GRB14: variants seen among roughly 807,000 people sequenced by gnomAD.
GRB14 encodes the protein growth factor receptor bound protein 14, also known as growth factor receptor-bound protein 14.
Under a neutral mutation model 69.1 loss-of-function variants are expected in GRB14, and 38 were observed. That is an observed-to-expected ratio of 0.55 (90% CI 0.42 to 0.72). The LOEUF (loss-of-function observed/expected upper bound fraction) is 0.72. GRB14 is among the 30% of genes least tolerant of loss of function. GRB14 has a pLI of 0.00. For missense variants in GRB14, 666 were observed against 666.1 expected (o/e 1.00, Z 0.00); for synonymous variants, 247 against 241.3 (o/e 1.02, Z -0.22).
At chr2:164,537,409 A>G (rs1311473230) in intron 3 of GRB14, among the ~76,000 whole-genome samples, 2 of 152,332 alleles carry the variant, frequency 1.3e-5, no homozygotes, top group South Asian at 2.1e-4. Context: ...CTGAGTAGAA[A>G]CTGTAGTATA....
chr2:164,521,286 G>GT, intron 6 of GRB14, among the ~76,000 whole-genome samples: 1 of 152,198 alleles, frequency 6.6e-6, no homozygotes, highest in East Asian at 1.9e-4. Context: ...AAAATTGTAT[G>GT]TTCTCACCCA....
intron 6 of GRB14, among the ~76,000 whole-genome samples, chr2:164,514,156 C>CA (rs746565847): frequency 2.5e-4 from 38 of 152,140 alleles, no homozygotes; most frequent in Non-Finnish European, 4.7e-4. Flanking sequence ...TGTAAGGAGA[C>CA]AAAATAACAC....
intron 6 of GRB14, among the ~76,000 whole-genome samples, chr2:164,511,334 G>A (rs1042472146): frequency 6.6e-6 from 1 of 152,104 alleles, no homozygotes; most frequent in Non-Finnish European, 1.5e-5. Context: ...CACAGCTCGT[G>A]GCTCCAAAAA....
intron 2 of GRB14, 63 bp from the exon 3 acceptor site, chr2:164,547,879 A>T: frequency 1.8e-6 from 2 of 1,142,130 alleles, no homozygotes; most frequent in Non-Finnish European, 1.2e-6. Context: ...AATAAATTTT[A>T]TTGTATATAT....
intron 12 of GRB14, among the ~76,000 whole-genome samples, chr2:164,496,290 A>G (rs1686891366): frequency 6.6e-6 from 1 of 152,160 alleles, no homozygotes; most frequent in African/African-American, 2.4e-5. Flanking sequence ...AACCTCCCTC[A>G]TTTGTACTGC....
chr2:164,505,537 C>A (rs1030047453), intron 8 of GRB14, among the ~76,000 whole-genome samples: 4 of 152,098 alleles, frequency 2.6e-5, no homozygotes, highest in Non-Finnish European at 5.9e-5. Flanking sequence ...ATACAGGTAT[C>A]TGTGACTCTG....
intron 3 of GRB14, among the ~76,000 whole-genome samples, 185 bp downstream of exon 3, chr2:164,547,475 G>A (rs559804440): frequency 1.3e-5 from 2 of 152,056 alleles, no homozygotes; most frequent in African/African-American, 4.8e-5. Flanking sequence ...ACATCAATGA[G>A]TTGGCTATCT....
intron 3 of GRB14, among the ~76,000 whole-genome samples, chr2:164,537,418 T>C (rs551654910): frequency 8.5e-5 from 13 of 152,178 alleles, no homozygotes; most frequent in Non-Finnish European, 1.6e-4. Flanking sequence ...AACTGTAGTA[T>C]ATGCAGGCAT....
chr2:164,617,398 C>G (rs1218014482), intron 2 of GRB14, among the ~76,000 whole-genome samples: 7 of 152,070 alleles, frequency 4.6e-5, no homozygotes, highest in African/African-American at 1.7e-4. Flanking sequence ...ACAATATCAC[C>G]TTTTCCCCAT....
At chr2:164,598,084 C>T (rs1689827217) in intron 2 of GRB14, among the ~76,000 whole-genome samples, 1 of 151,984 alleles carries the variant, frequency 6.6e-6, no homozygotes, top group Admixed American at 6.6e-5. Flanking sequence ...CATCCTGAAG[C>T]CTAAGAAGAC....
intron 2 of GRB14, among the ~76,000 whole-genome samples, chr2:164,604,542 C>T (rs938592485): frequency 1.3e-5 from 2 of 151,766 alleles, no homozygotes; most frequent in African/African-American, 4.8e-5. Context: ...AACCTCAGAA[C>T]AGTGTTTCCC....
Position 164,568,811 on chromosome 2 carries a change from T to A in GRB14, c.325-20995A>T, listed in dbSNP as rs73022005. The stretch of plus-strand genomic sequence containing the variant: ...TATTTAAAGTATATAAATATATTAA[T>A]GAACTAAATTTACTTATGCTATTCA... On this transcript the variant is annotated intron_variant, in intron 2 of 13. Transcript: ENST00000263915. Among the ~76,000 whole-genome samples, 1,241 of 152,242 alleles carry A rather than the reference T, an allele frequency of 8.2e-3. 18 individuals are homozygous for A. Among genetic ancestry groups the A allele is most frequent in the African/African-American group, 0.026 (1,089 of 41,544 alleles).
chr2:164,531,511 C>T (rs185518977), intron 3 of GRB14, among the ~76,000 whole-genome samples: 1 of 152,102 alleles, frequency 6.6e-6, no homozygotes, highest in Admixed American at 6.6e-5. Flanking sequence ...GAAAAAATAG[C>T]AAAGAGGCAT....
intron 2 of GRB14, among the ~76,000 whole-genome samples, chr2:164,600,201 G>A (rs530365266): frequency 3.3e-5 from 5 of 152,170 alleles, no homozygotes; most frequent in Non-Finnish European, 5.9e-5. Flanking sequence ...ATCTACTTCA[G>A]CAACCACTTT....
intron 2 of GRB14, among the ~76,000 whole-genome samples, chr2:164,577,538 G>A (rs1160350164): frequency 1.3e-5 from 2 of 152,160 alleles, no homozygotes; most frequent in Admixed American, 6.5e-5. Context: ...CCCTTCTGCC[G>A]TGATTTTAAG....
At chr2:164,514,262 C>T (rs555872745) in intron 6 of GRB14, among the ~76,000 whole-genome samples, 2 of 152,286 alleles carry the variant, frequency 1.3e-5, no homozygotes, top group Non-Finnish European at 1.5e-5. Flanking sequence ...ACATTGTGAA[C>T]TTTTGCTCCA....
intron 2 of GRB14, among the ~76,000 whole-genome samples, chr2:164,596,406 A>T (rs1689782975): frequency 6.6e-6 from 1 of 152,232 alleles, no homozygotes; most frequent in Non-Finnish European, 1.5e-5. Flanking sequence ...CCTGAACCCT[A>T]ACATGAGAAA....
chr2:164,612,341 C>A (rs1690187505), intron 2 of GRB14, among the ~76,000 whole-genome samples: 1 of 152,174 alleles, frequency 6.6e-6, no homozygotes. Flanking sequence ...TATTAAACCT[C>A]CTATTTGTGT....
intron 2 of GRB14, among the ~76,000 whole-genome samples, chr2:164,609,713 C>T (rs1690122410): frequency 6.6e-6 from 1 of 152,160 alleles, no homozygotes; most frequent in African/African-American, 2.4e-5. Flanking sequence ...ATCAATATTT[C>T]TCACTGATGC....
Sources: gnomAD v4.1 joint callset for allele counts (sites outside exome capture counted in the v4.1 genomes callset) on GRCh38, gnomAD v4.1.1 for gene constraint, MANE v1.5 for transcripts, NCBI Gene and HGNC (gene_info 2026-07-23, HGNC 2026-07-21) for gene names.